Variants in RAD51B observed in about 807,000 individuals in gnomAD.
RAD51B encodes DNA repair protein RAD51 homolog 2.
A neutral mutation model predicts 42.2 loss-of-function variants in RAD51B; 38 were observed. That is an observed-to-expected ratio of 0.90 (90% CI 0.70 to 1.18). The LOEUF is 1.18. Ranked by LOEUF, RAD51B falls within the 50% of genes most tolerant of loss-of-function variation. The pLI is 0.00. For synonymous variants in RAD51B, 154 were observed against 145.2 expected, an observed-to-expected ratio of 1.06 and a Z score of -0.43; for missense variants, 373 against 400.7, an observed-to-expected ratio of 0.93 and a Z score of 0.59.
At chr14:68,341,907 TATAGTGCACTTTCAC>T (rs1291364875) in intron 8 of RAD51B, among the ~76,000 whole-genome samples, 1 of 152,172 alleles carries the variant, frequency 6.6e-6, no homozygotes, top group Non-Finnish European at 1.5e-5. Flanking sequence ...CACAACTGCA[TATAGTGCACTTTCAC>T]ATCCTGTGGC....
chr14:68,297,004 A>G (rs1433180463), intron 8 of RAD51B, among the ~76,000 whole-genome samples: 1 of 152,226 alleles, frequency 6.6e-6, no homozygotes, highest in African/African-American at 2.4e-5. Flanking sequence ...GGTTGGAGTC[A>G]GGGGAATTGA....
intron 10 of RAD51B, among the ~76,000 whole-genome samples, chr14:68,586,311 T>A (rs1890474271): frequency 6.6e-6 from 1 of 152,206 alleles, no homozygotes; most frequent in Admixed American, 6.6e-5. Flanking sequence ...CCTTGATTCT[T>A]GTCTCCTCCC....
intron 9 of RAD51B, among the ~76,000 whole-genome samples, chr14:68,414,859 T>TAA (rs33968049): frequency 7.7e-4 from 55 of 71,206 alleles, no homozygotes; most frequent in East Asian, 1.5e-3. Context: ...CCATCTCTAC[T>TAA]AAAAAAAAAA....
chr14:68,133,572 A>G (rs1024095976), intron 7 of RAD51B, among the ~76,000 whole-genome samples: 1 of 152,136 alleles, frequency 6.6e-6, no homozygotes, highest in African/African-American at 2.4e-5. Context: ...CCCGGGTTCA[A>G]GCGATTCTCC....
At chr14:68,415,633 G>A (rs2084537139) in intron 9 of RAD51B, among the ~76,000 whole-genome samples, 1 of 152,214 alleles carries the variant, frequency 6.6e-6, no homozygotes, top group African/African-American at 2.4e-5. Context: ...CTCTAGCGAT[G>A]AATGAGGCAG....
At chr14:68,027,654 G>A (rs1468782552) in intron 7 of RAD51B, among the ~76,000 whole-genome samples, 1 of 152,064 alleles carries the variant, frequency 6.6e-6, no homozygotes, top group Non-Finnish European at 1.5e-5. Context: ...TTCCAATTAT[G>A]AAATTCTTGT....
chr14:68,268,737 G>A (rs1176580765), intron 7 of RAD51B, among the ~76,000 whole-genome samples: 3 of 152,074 alleles, frequency 2.0e-5, no homozygotes, highest in Admixed American at 2.0e-4. Flanking sequence ...ATCCTCAAAG[G>A]CACAGAGCAT....
At chr14:68,197,279 G>A (rs886445242) in intron 7 of RAD51B, among the ~76,000 whole-genome samples, 3 of 152,106 alleles carry the variant, frequency 2.0e-5, no homozygotes, top group African/African-American at 7.2e-5. Context: ...ACTCACATAC[G>A]TAGAAATCAA....
At chr14:68,047,808 C>A (rs953448818) in intron 7 of RAD51B, among the ~76,000 whole-genome samples, 1 of 152,160 alleles carries the variant, frequency 6.6e-6, no homozygotes, top group African/African-American at 2.4e-5. Flanking sequence ...AAAATGCAGA[C>A]AGCAGAAAAG....
intron 9 of RAD51B, among the ~76,000 whole-genome samples, chr14:68,450,650 C>A (rs753222789): frequency 1.3e-5 from 2 of 152,134 alleles, no homozygotes; most frequent in Non-Finnish European, 2.9e-5. Context: ...CACTCAGAAC[C>A]ACTGAAAGAG....
intron 7 of RAD51B, among the ~76,000 whole-genome samples, chr14:68,052,153 G>T (rs1595328120): frequency 6.6e-6 from 1 of 152,120 alleles, no homozygotes; most frequent in East Asian, 1.9e-4. Context: ...ATCACATCTT[G>T]AAGTAACTTA....
intron 7 of RAD51B, among the ~76,000 whole-genome samples, chr14:68,261,472 A>G (rs1243525657): frequency 6.6e-6 from 1 of 152,232 alleles, no homozygotes; most frequent in Non-Finnish European, 1.5e-5. Flanking sequence ...CGTTTAATGT[A>G]TTCAAGTTCA....
chr14:68,654,426 G>T (rs533140572), intron 11 of RAD51B, among the ~76,000 whole-genome samples: 1 of 152,310 alleles, frequency 6.6e-6, no homozygotes, highest in African/African-American at 2.4e-5. Flanking sequence ...GGAGATGTCT[G>T]GTGGACAGAA....
intron 7 of RAD51B, among the ~76,000 whole-genome samples, chr14:68,045,868 G>A (rs531988999): frequency 1.5e-3 from 232 of 152,020 alleles, no homozygotes; most frequent in African/African-American, 5.4e-3. Context: ...ATTTTTTTTA[G>A]GGTTTAAAAT....
intron 8 of RAD51B, among the ~76,000 whole-genome samples, chr14:68,361,588 G>A (rs569753837): frequency 1.3e-5 from 2 of 152,236 alleles, no homozygotes; most frequent in African/African-American, 2.4e-5. Flanking sequence ...GCTATGGGGG[G>A]TAAGGATGGA....
intron 8 of RAD51B, among the ~76,000 whole-genome samples, chr14:68,308,027 A>C (rs1438383566): frequency 6.6e-6 from 1 of 152,030 alleles, no homozygotes; most frequent in African/African-American, 2.4e-5. Flanking sequence ...GTCCTTATTA[A>C]ATTTATTTAT....
chr14:68,553,555 C>T (rs1888680302), intron 10 of RAD51B, among the ~76,000 whole-genome samples: 1 of 151,920 alleles, frequency 6.6e-6, no homozygotes, highest in African/African-American at 2.4e-5. Context: ...TGGTTTGGAG[C>T]TCCCAGTGCA....
chr14:68,318,580 A>G (rs2082103456), intron 8 of RAD51B, among the ~76,000 whole-genome samples: 1 of 152,214 alleles, frequency 6.6e-6, no homozygotes, highest in Non-Finnish European at 1.5e-5. Flanking sequence ...TATTACTAAG[A>G]AAGAGAGAGT....
At chr14:68,199,652 C>T (rs2079443167) in intron 7 of RAD51B, among the ~76,000 whole-genome samples, 1 of 152,212 alleles carries the variant, frequency 6.6e-6, no homozygotes, top group Non-Finnish European at 1.5e-5. Flanking sequence ...TCCTTCATCT[C>T]ATTCCGTCCT....
Sources: gnomAD v4.1 joint callset for allele counts (sites outside exome capture counted in the v4.1 genomes callset) on GRCh38, gnomAD v4.1.1 for gene constraint, MANE v1.5 for transcripts, NCBI Gene and HGNC (gene_info 2026-07-23, HGNC 2026-07-21) for gene names.